Variants in SMIM7 observed in about 807,000 individuals in gnomAD.
The protein encoded by SMIM7 is small integral membrane protein 7, also known as UPF0608 protein C19orf42.
SMIM7 carries 12 observed loss-of-function variants against 13.3 expected under a neutral mutation model. The observed-to-expected ratio is 0.90, with a 90% CI of 0.58 to 1.46. The LOEUF (loss-of-function observed/expected upper bound fraction) is 1.46. Ranked by LOEUF, SMIM7 falls within the 40% of genes most tolerant of loss-of-function variation. The pLI, the probability that SMIM7 is intolerant of heterozygous loss-of-function variation, is 0.00. For missense variants in SMIM7, 114 were observed against 94.8 expected (o/e 1.20, Z -0.84); for synonymous variants, 36 against 35.8 (o/e 1.01, Z -0.02).
chr19:16,647,267 G>A lies in SMIM7; in HGVS notation c.213-6C>T. 1 of 1,614,004 alleles carries A rather than the reference G, an allele frequency of 6.2e-7. No individual in the cohort carries two copies. Among genetic ancestry groups the A allele is most frequent in the African/African-American group, 1.3e-5 (1 of 75,030 alleles). On this transcript the variant is annotated splice_polypyrimidine_tract_variant and splice_region_variant and intron_variant, in intron 4 of 4. Coordinates refer to ENST00000487416, the MANE Select transcript of SMIM7 (RefSeq NM_024104.4). ...GGATTCAAGAGCCGAACAGCCTGGA[G>A]AAGTCAGAGGGCAGAAATGTCTGTG... is the stretch of plus-strand genomic sequence containing the variant.
At chr19:16,655,680 CAAAA>C (rs869256040) in intron 3 of SMIM7, among the ~76,000 whole-genome samples, 121 of 38,488 alleles carry the variant, frequency 3.1e-3, no homozygotes, top group Non-Finnish European at 5.6e-3. Flanking sequence ...GACTCCATCT[CAAAA>C]AAAAAAAAAA....
chr19:16,652,517 T>G (rs1470988002), intron 4 of SMIM7: 1 of 1,035,970 alleles, frequency 9.7e-7, no homozygotes. Flanking sequence ...TACAATTTCA[T>G]GTAAGTTCCT....
chr19:16,656,470 C>A (rs926288992), intron 3 of SMIM7, among the ~76,000 whole-genome samples: 1 of 152,110 alleles, frequency 6.6e-6, no homozygotes, highest in Admixed American at 6.6e-5. Context: ...TCTGCCCCAA[C>A]AAGCATATGG....
At chr19:16,658,196 T>C (rs2086621412) in intron 3 of SMIM7, among the ~76,000 whole-genome samples, 1 of 152,220 alleles carries the variant, frequency 6.6e-6, no homozygotes, top group African/African-American at 2.4e-5. Context: ...TCCCTGCCTC[T>C]GTCACCTAAC....
chr19:16,641,107 A>T (rs2086400754), downstream of SMIM7: 1 of 152,132 alleles, frequency 6.6e-6, no homozygotes, highest in Non-Finnish European at 1.5e-5. Flanking sequence ...ACACCTTGGG[A>T]TTCTCCATCA....
chr19:16,658,261 G>T (rs2086622516), intron 3 of SMIM7, among the ~76,000 whole-genome samples: 1 of 152,156 alleles, frequency 6.6e-6, no homozygotes, highest in African/African-American at 2.4e-5. Context: ...CCACCCCATG[G>T]TAAGTTCCAC....
intron 4 of SMIM7, among the ~76,000 whole-genome samples, chr19:16,650,937 C>T (rs2086516752): frequency 6.6e-6 from 1 of 152,192 alleles, no homozygotes; most frequent in Non-Finnish European, 1.5e-5. Flanking sequence ...GCTGCACAGA[C>T]ATAGTACCCT....
chr19:16,655,686 A>C (rs1181698643), intron 3 of SMIM7, among the ~76,000 whole-genome samples: 1 of 150,566 alleles, frequency 6.6e-6, no homozygotes, highest in Non-Finnish European at 1.5e-5. Flanking sequence ...ATCTCAAAAA[A>C]AAAAAAAAAA....
rs536556751 is a variant in SMIM7 at position 16,639,355 on chromosome 19, C to T, written c.*138-7631G>A. Reference sequence around the variant, plus strand: ...GCCAGGATGGTCTCGATCTCCTGACCTCATGATCTGCCCGCCTCCGCCTCC... The same window carrying T: ...GCCAGGATGGTCTCGATCTCCTGACTTCATGATCTGCCCGCCTCCGCCTCC... On this transcript the variant is annotated intron_variant and NMD_transcript_variant, in intron 4 of 4. Transcript: ENST00000465250. Among the ~76,000 whole-genome samples the T allele has an allele frequency of 2.6e-3, 399 of 152,236 alleles. 1 individual carries two copies. The highest frequency in any genetic ancestry group is 9.2e-3 in the African/African-American group (383 of 41,532).
At position 16,646,198 on chromosome 19, in the gene SMIM7, T is replaced by A. The variant is rs932427503; in HGVS notation, c.*1048A>T. 1 of 152,086 alleles carries A rather than the reference T, an allele frequency of 6.6e-6. No homozygotes were observed. The highest frequency in any genetic ancestry group is 1.9e-4 in the East Asian group (1 of 5,200). 9.4% of individuals were successfully genotyped at this position (152,086 alleles called of 1,614,324 possible). A position where few individuals can be genotyped will look rare whatever the true frequency, so the allele number is the denominator to read the frequency against. On this transcript the variant is annotated 3_prime_UTR_variant, in exon 5 of 5. Coordinates refer to ENST00000487416, the MANE Select transcript of SMIM7 (RefSeq NM_024104.4). ...TCAAGGCTACTCAGTCCTAAAAGCC[T>A]GCATATTTACTTTTTTTCCTTCCTC...
intron 4 of SMIM7, chr19:16,652,483 T>C: frequency 1.0e-6 from 1 of 982,162 alleles, no homozygotes; most frequent in Non-Finnish European, 1.2e-6. Context: ...ATTACAGGCC[T>C]GAGCCACTGC....
At chr19:16,652,630 C>T (rs1426317634) in intron 4 of SMIM7, 2 of 1,328,940 alleles carry the variant, frequency 1.5e-6, no homozygotes, top group African/African-American at 1.5e-5. Flanking sequence ...CCTGGGAATA[C>T]ATCACGGTCC....
chr19:16,646,116 G>A (rs1252019968), downstream of SMIM7: 1 of 148,434 alleles, frequency 6.7e-6, no homozygotes, highest in African/African-American at 2.5e-5. Flanking sequence ...TGACTTCTTG[G>A]TTAAAAAAAA....
intron 4 of SMIM7, among the ~76,000 whole-genome samples, chr19:16,636,790 A>G (rs967576425): frequency 6.6e-6 from 1 of 151,842 alleles, no homozygotes; most frequent in Admixed American, 6.6e-5. Context: ...CATCTCTACA[A>G]AAAAAATAAA....
chr19:16,654,962 C>T (rs1447432153), intron 3 of SMIM7, among the ~76,000 whole-genome samples: 3 of 152,064 alleles, frequency 2.0e-5, no homozygotes, highest in African/African-American at 7.2e-5. Flanking sequence ...TTTGCCAACC[C>T]TAACCAGTCT....
At chr19:16,648,401 A>G (rs1167854476) in intron 4 of SMIM7, among the ~76,000 whole-genome samples, 1 of 151,944 alleles carries the variant, frequency 6.6e-6, no homozygotes, top group Non-Finnish European at 1.5e-5. Context: ...TCAGCCTCCC[A>G]AAGTGCTGGG....
intron 4 of SMIM7, chr19:16,636,596 G>C (rs2086362957): frequency 6.6e-6 from 1 of 152,160 alleles, no homozygotes; most frequent in Non-Finnish European, 1.5e-5. Context: ...AATTTGTTTT[G>C]TTTGACACCA....
chr19:16,660,126 G>A lies in SMIM7; in HGVS notation c.-16C>T, dbSNP rs759335335. ...CTCCGATCATCGTTACGGCCGAAGC[G>A]TCCGTCAGAACCGGAAGCGGAAGCC... On this transcript the variant is annotated 5_prime_UTR_variant, in exon 1 of 5. It adds an upstream start codon to the 5' untranslated region. Transcript: ENST00000487416. 2 of 1,613,982 alleles carry A rather than the reference G, an allele frequency of 1.2e-6. No homozygotes were observed. The highest frequency in any genetic ancestry group is 1.3e-5 in the African/African-American group (1 of 74,966).
At position 16,638,793 on chromosome 19, in the gene SMIM7, T is replaced by A. The variant is rs531834965; in HGVS notation, c.*138-7069A>T. 3 of 152,296 alleles carry A rather than the reference T, an allele frequency of 2.0e-5. No homozygotes were observed. In the East Asian group the frequency reaches 5.8e-4, roughly 29 times the overall value. 9.4% of individuals were successfully genotyped at this position (152,296 alleles called of 1,614,324 possible). ...ACAACTACTGAGTGGCTGCCCAGCA[T>A]CAGGCATGTTATAGGCCCATATCAA... On this transcript the variant is annotated intron_variant and NMD_transcript_variant, in intron 4 of 4. Coordinates refer to the SMIM7 transcript ENST00000465250.
Sources: allele counts gnomAD v4.1 joint callset (sites outside exome capture counted in the v4.1 genomes callset), GRCh38; gene constraint gnomAD v4.1.1; transcripts MANE v1.5; gene names NCBI Gene and HGNC (gene_info 2026-07-23, HGNC 2026-07-21).